The following FAM169A variants were observed in gnomAD, a reference collection of about 807,000 sequenced individuals.
FAM169A encodes the protein family with sequence similarity 169 member A.
A neutral mutation model predicts 75.7 loss-of-function variants in FAM169A; 24 were observed. The observed-to-expected ratio is 0.32, with a 90% confidence interval of 0.23 to 0.45. The LOEUF is 0.45. FAM169A is among the 20% of genes least tolerant of loss of function. The pLI, the probability that FAM169A is intolerant of heterozygous loss-of-function variation, is 1.00. For synonymous variants in FAM169A, 271 were observed against 271.0 expected (o/e 1.00, Z 0.00); for missense variants, 673 against 784.0 (o/e 0.86, Z 1.69).
intron 7 of FAM169A, 147 bp downstream of exon 7, chr5:74,805,009 C>T (rs1253989599): frequency 6.2e-6 from 4 of 648,626 alleles, no homozygotes; most frequent in Non-Finnish European, 1.0e-5. Context: ...GTTACTAGAA[C>T]AATCACATTA....
intron 1 of FAM169A, among the ~76,000 whole-genome samples, chr5:74,849,667 T>C (rs899861884): frequency 6.6e-6 from 1 of 152,084 alleles, no homozygotes; most frequent in Non-Finnish European, 1.5e-5. Context: ...CTTTTCTGTT[T>C]TCTAACATCA....
intron 5 of FAM169A, among the ~76,000 whole-genome samples, chr5:74,826,192 A>T (rs1386107390): frequency 3.9e-5 from 6 of 152,174 alleles, no homozygotes. Flanking sequence ...TCATAAATGC[A>T]ATGACTAACT....
At position 74,801,018 on chromosome 5, in the gene FAM169A, GT is replaced by G; in HGVS notation, c.964del (p.Thr322HisfsTer12). 1 of 1,555,718 alleles carries G rather than the reference GT, an allele frequency of 6.4e-7. No individual in the cohort carries two copies. Among genetic ancestry groups the G allele is most frequent in the Non-Finnish European group, 8.7e-7 (1 of 1,151,650 alleles). The stretch of plus-strand genomic sequence containing the variant: ...ACTTCGAGTATGAGTGGAAACAGAT[GT>G]TTTATCATGACCTGAGGAGAAAAAC... ...FASTSEGHDK[T>X]SVSTHTRSGN... On this transcript the variant is annotated frameshift_variant, in exon 10 of 13. Coordinates refer to ENST00000687041, the MANE Select transcript of FAM169A (RefSeq NM_001376049.1). LOFTEE classifies it high-confidence loss of function.
chr5:74,852,429 A>G (rs1366361782), intron 1 of FAM169A, among the ~76,000 whole-genome samples: 1 of 152,210 alleles, frequency 6.6e-6, no homozygotes, highest in African/African-American at 2.4e-5. Flanking sequence ...AAGAAGGTAC[A>G]AGAGACAGTA....
intron 5 of FAM169A, among the ~76,000 whole-genome samples, chr5:74,818,716 C>T (rs1040950314): frequency 4.6e-5 from 7 of 150,856 alleles, no homozygotes; most frequent in Non-Finnish European, 1.0e-4. Flanking sequence ...TACAAAAGGG[C>T]AAAGACAAGA....
intron 11 of FAM169A, among the ~76,000 whole-genome samples, chr5:74,785,998 G>A (rs550741099): frequency 2.0e-5 from 3 of 152,270 alleles, no homozygotes; most frequent in African/African-American, 4.8e-5. Flanking sequence ...AGAGGCAGAC[G>A]CACCCTCAAT....
intron 5 of FAM169A, among the ~76,000 whole-genome samples, chr5:74,827,264 T>C (rs138065654): frequency 6.6e-6 from 1 of 152,294 alleles, no homozygotes; most frequent in Non-Finnish European, 1.5e-5. Context: ...CCTTCTTTTA[T>C]ATGTATCAAA....
At chr5:74,798,431 CCA>C (rs1440455963) in intron 10 of FAM169A, among the ~76,000 whole-genome samples, 14 of 152,100 alleles carry the variant, frequency 9.2e-5, no homozygotes, top group African/African-American at 1.7e-4. Flanking sequence ...AGTGAGAAAA[CCA>C]CAGTTTTCTA....
At chr5:74,855,870 G>A (rs1303543734) in intron 1 of FAM169A, among the ~76,000 whole-genome samples, 1 of 152,174 alleles carries the variant, frequency 6.6e-6, no homozygotes, top group Non-Finnish European at 1.5e-5. Flanking sequence ...CCTATGCCCT[G>A]GAGAGTTTTC....
chr5:74,782,371 A>G (rs1745456069), intron 12 of FAM169A, among the ~76,000 whole-genome samples: 1 of 152,128 alleles, frequency 6.6e-6, no homozygotes, highest in African/African-American at 2.4e-5. Context: ...ATACCTTGGG[A>G]CTTCACTGCG....
intron 1 of FAM169A, among the ~76,000 whole-genome samples, chr5:74,859,287 CTTTTTTTTTT>C (rs1020109342): frequency 7.7e-6 from 1 of 129,062 alleles, no homozygotes; most frequent in Non-Finnish European, 1.7e-5. Context: ...AAGGTTTTCT[CTTTTTTTTTT>C]TTTTTTTTTT....
rs905137962 is a variant in FAM169A, at chr5:74,836,049, T to C, written c.319-1452A>G. On this transcript the variant is annotated intron_variant, in intron 4 of 12. Transcript: ENST00000687041. ...GCCATTTCAGTGCTCTCTCTTGAAA[T>C]TGCTCCAGATCCATAACATCTCTCT... Among the ~76,000 whole-genome samples the C allele has an allele frequency of 3.9e-4, 60 of 152,172 alleles. 3 individuals are homozygous for C. The highest frequency in any genetic ancestry group is 1.2e-4 in the Non-Finnish European group (8 of 68,024).
chr5:74,840,646 A>G (rs143992627), intron 2 of FAM169A, among the ~76,000 whole-genome samples: 714 of 151,960 alleles, frequency 4.7e-3, no homozygotes, highest in South Asian at 0.016. Context: ...TGGCTAACAC[A>G]GTGAAACCCC....
intron 6 of FAM169A, among the ~76,000 whole-genome samples, chr5:74,808,346 A>G (rs560778105): frequency 1.3e-5 from 2 of 152,360 alleles, no homozygotes; most frequent in South Asian, 4.1e-4. Flanking sequence ...GACCTCAAAG[A>G]CATTATGTTT....
At chr5:74,818,801 C>CTATATATATATATATA (rs59106706) in intron 5 of FAM169A, among the ~76,000 whole-genome samples, 1 of 123,114 alleles carries the variant, frequency 8.1e-6, no homozygotes, top group Non-Finnish European at 1.7e-5. Flanking sequence ...CTCTCTCTCT[C>CTATATATATATATATA]TCTATATATA....
intron 11 of FAM169A, among the ~76,000 whole-genome samples, chr5:74,790,982 C>T (rs1414788000): frequency 6.6e-6 from 1 of 152,178 alleles, no homozygotes; most frequent in Non-Finnish European, 1.5e-5. Flanking sequence ...CCAAGACTAC[C>T]ACCCGTGGAC....
At chr5:74,795,574 T>C (rs1746228197) in intron 11 of FAM169A, among the ~76,000 whole-genome samples, 1 of 152,212 alleles carries the variant, frequency 6.6e-6, no homozygotes, top group African/African-American at 2.4e-5. Flanking sequence ...TTTCCAGAAC[T>C]TTGTGAGATC....
chr5:74,838,909 G>A, intron 4 of FAM169A, 56 bp downstream of exon 4: 1 of 1,204,358 alleles, frequency 8.3e-7, no homozygotes, highest in Admixed American at 1.7e-5. Context: ...ACTGTTTACA[G>A]GAAACACTGT....
intron 1 of FAM169A, among the ~76,000 whole-genome samples, chr5:74,842,180 G>C (rs912674213): frequency 6.4e-5 from 8 of 124,210 alleles, no homozygotes; most frequent in Non-Finnish European, 1.2e-4. Context: ...CCAGCACTTT[G>C]GGGGGCCAAG....
Sources: allele counts gnomAD v4.1 joint callset (sites outside exome capture counted in the v4.1 genomes callset), GRCh38; gene constraint gnomAD v4.1.1; transcripts MANE v1.5; gene names NCBI Gene and HGNC (gene_info 2026-07-23, HGNC 2026-07-21).